Variants in KIAA0825 observed in about 807,000 individuals in gnomAD.
KIAA0825 encodes the protein uncharacterized protein KIAA0825.
Under a neutral mutation model 147.6 loss-of-function variants are expected in KIAA0825, and 119 were observed. The ratio of observed to expected loss-of-function variants is 0.81; its 90% CI spans 0.69 to 0.94. KIAA0825 has a LOEUF of 0.94. Ranked by LOEUF, KIAA0825 falls within the 40% of genes least tolerant of loss-of-function variation. The pLI is 0.00. For synonymous variants in KIAA0825, 470 were observed against 518.1 expected (o/e 0.91, Z 1.26); for missense variants, 1,381 against 1,472.7 (o/e 0.94, Z 1.02).
At chr5:94,216,695 C>G (rs1333037366) in intron 20 of KIAA0825, among the ~76,000 whole-genome samples, 2 of 152,180 alleles carry the variant, frequency 1.3e-5, no homozygotes, top group East Asian at 1.9e-4. Flanking sequence ...AAAAGATTCA[C>G]AAGAATTGTC....
intron 20 of KIAA0825, among the ~76,000 whole-genome samples, chr5:94,368,901 C>T (rs958264994): frequency 2.6e-5 from 4 of 152,098 alleles, no homozygotes; most frequent in African/African-American, 4.8e-5. Flanking sequence ...GTTATGGTGG[C>T]TCACACCTGT....
chr5:94,551,221 A>C (rs6868707), intron 2 of KIAA0825, among the ~76,000 whole-genome samples: 18,769 of 151,920 alleles, frequency 0.12, 1,536 homozygotes, highest in African/African-American at 0.22. Context: ...TATGGGACAC[A>C]ATTAAATGTA....
intron 5 of KIAA0825, among the ~76,000 whole-genome samples, chr5:94,500,719 T>C (rs1006739581): frequency 6.6e-6 from 1 of 152,156 alleles, no homozygotes; most frequent in Non-Finnish European, 1.5e-5. Flanking sequence ...GTTGGAATCA[T>C]CATGATAAAC....
At chr5:94,223,663 C>T (rs1773864922) in intron 20 of KIAA0825, among the ~76,000 whole-genome samples, 1 of 152,154 alleles carries the variant, frequency 6.6e-6, no homozygotes, top group South Asian at 2.1e-4. Context: ...GAAGGCTGTT[C>T]TGGTGATCCA....
intron 20 of KIAA0825, among the ~76,000 whole-genome samples, chr5:94,227,789 AG>A (rs1166083835): frequency 2.0e-5 from 3 of 151,334 alleles, no homozygotes; most frequent in African/African-American, 7.3e-5. Flanking sequence ...ACATGGACAC[AG>A]GGCGGGGAAC....
chr5:94,259,794 A>T (rs1465140239), intron 20 of KIAA0825, among the ~76,000 whole-genome samples: 1 of 151,896 alleles, frequency 6.6e-6, no homozygotes, highest in African/African-American at 2.4e-5. Flanking sequence ...TATCTTTAAA[A>T]ATCTATCATA....
intron 14 of KIAA0825, among the ~76,000 whole-genome samples, chr5:94,435,350 T>C (rs11743705): frequency 0.46 from 67,239 of 146,512 alleles, 15,495 homozygotes; most frequent in Middle Eastern, 0.52. Flanking sequence ...GTGTTCTCAT[T>C]GTTTAGCTCA....
chr5:94,598,828 T>C (rs898195500), intron 1 of KIAA0825, among the ~76,000 whole-genome samples: 2 of 152,158 alleles, frequency 1.3e-5, no homozygotes, highest in Non-Finnish European at 2.9e-5. Context: ...AATGTCGTTA[T>C]GTGGCACATG....
chr5:94,181,699 G>A (rs1291251608), intron 20 of KIAA0825, among the ~76,000 whole-genome samples: 1 of 152,038 alleles, frequency 6.6e-6, no homozygotes, highest in Non-Finnish European at 1.5e-5. Flanking sequence ...ACTACATCAA[G>A]GTAAAGAGAA....
chr5:94,550,141 C>A (rs1775243608), intron 2 of KIAA0825, among the ~76,000 whole-genome samples: 1 of 152,120 alleles, frequency 6.6e-6, no homozygotes, highest in Non-Finnish European at 1.5e-5. Flanking sequence ...TGAAAAAAAC[C>A]AGGCACAGAA....
chr5:94,470,434 T>G (rs1169603651), intron 9 of KIAA0825, among the ~76,000 whole-genome samples: 1 of 152,224 alleles, frequency 6.6e-6, no homozygotes, highest in African/African-American at 2.4e-5. Context: ...GTGCATTATT[T>G]AGGCATTAGG....
intron 2 of KIAA0825, among the ~76,000 whole-genome samples, chr5:94,562,648 G>A (rs1368903690): frequency 6.6e-6 from 1 of 152,178 alleles, no homozygotes; most frequent in Non-Finnish European, 1.5e-5. Context: ...TTCCACACTT[G>A]ACAATCTCTA....
chr5:94,520,159 G>A lies in KIAA0825; in HGVS notation c.970+89C>T, dbSNP rs139586591. On this transcript the variant is annotated intron_variant, in intron 5 of 20. Coordinates refer to ENST00000682413, the MANE Select transcript of KIAA0825 (RefSeq NM_001145678.3). The stretch of plus-strand genomic sequence containing the variant: ...ATTTTCTAATTTTCATGTTTGCAGT[G>A]AGATTTAACCAAATAGAAAACATCT... 242 of 1,336,242 alleles carry A rather than the reference G, an allele frequency of 1.8e-4. No homozygotes were observed. In the African/African-American group the frequency reaches 3.2e-3, roughly 18 times the overall value. 82.8% of individuals were successfully genotyped at this position (1,336,242 alleles called of 1,614,324 possible).
intron 20 of KIAA0825, among the ~76,000 whole-genome samples, chr5:94,335,689 A>G (rs1370336197): frequency 6.6e-6 from 1 of 152,152 alleles, no homozygotes; most frequent in Non-Finnish European, 1.5e-5. Flanking sequence ...GATTATATCA[A>G]GCATTTATCC....
intron 20 of KIAA0825, among the ~76,000 whole-genome samples, chr5:94,171,913 G>T (rs1312184249): frequency 6.6e-6 from 1 of 152,048 alleles, no homozygotes; most frequent in African/African-American, 2.4e-5. Context: ...GGATCCTTAA[G>T]ACATCCTAGT....
chr5:94,316,784 G>GT (rs1351047182), intron 20 of KIAA0825, among the ~76,000 whole-genome samples: 9 of 151,676 alleles, frequency 5.9e-5, no homozygotes, highest in African/African-American at 1.9e-4. Flanking sequence ...TTATTTTATT[G>GT]TTTTTTTAAT....
At chr5:94,454,407 G>T (rs1252149777) in intron 12 of KIAA0825, among the ~76,000 whole-genome samples, 1 of 152,034 alleles carries the variant, frequency 6.6e-6, no homozygotes, top group Non-Finnish European at 1.5e-5. Flanking sequence ...CTCTCCCCCT[G>T]GTTGTCTTGC....
Position 94,471,880 on chromosome 5 carries a change from T to C in KIAA0825, c.1456-149A>G, listed in dbSNP as rs1049131621. ...TTTGTAATAATCGATTTCTCAGTTG[T>C]AGAAAGTTAAATGTTTTATGTCAAA... On this transcript the variant is annotated intron_variant, in intron 8 of 20. Transcript: ENST00000682413. 8 of 734,960 alleles carry C rather than the reference T, an allele frequency of 1.1e-5. No individual in the cohort carries two copies. The African/African-American group carries it at 1.4e-4, about 13-fold the overall frequency. The allele number at this position is 734,960 out of a possible 1,614,324, so 45.5% of individuals were successfully genotyped here. A position where few individuals can be genotyped will look rare whatever the true frequency, so the allele number is the denominator to read the frequency against.
chr5:94,166,733 C>A (rs996185501), intron 20 of KIAA0825, among the ~76,000 whole-genome samples: 7 of 152,000 alleles, frequency 4.6e-5, no homozygotes, highest in Non-Finnish European at 1.0e-4. Context: ...GTCTTGAACT[C>A]CTAACCTCAG....
Sources: gnomAD v4.1 joint callset for allele counts (sites outside exome capture counted in the v4.1 genomes callset) on GRCh38, gnomAD v4.1.1 for gene constraint, MANE v1.5 for transcripts, NCBI Gene and HGNC (gene_info 2026-07-23, HGNC 2026-07-21) for gene names.